ADGRL2: variants seen among roughly 807,000 people sequenced by gnomAD.
ADGRL2 encodes the protein calcium-independent alpha-latrotoxin receptor 2.
A neutral mutation model predicts 157.4 loss-of-function variants in ADGRL2; 44 were observed. The observed-to-expected ratio is 0.28, with a 90% CI of 0.22 to 0.36. The LOEUF (loss-of-function observed/expected upper bound fraction) is 0.36, where lower values mean the gene tolerates loss of function less well. Ranked by LOEUF, ADGRL2 falls within the 10% of genes least tolerant of loss-of-function variation. ADGRL2 has a pLI of 1.00. For missense variants in ADGRL2, 1,510 were observed against 1,768.9 expected, an observed-to-expected ratio of 0.85 and a Z score of 2.63; for synonymous variants, 585 against 624.7, an observed-to-expected ratio of 0.94 and a Z score of 0.95.
intron 2 of ADGRL2, among the ~76,000 whole-genome samples, chr1:81,446,432 A>G (rs982134909): frequency 1.3e-5 from 2 of 152,202 alleles, no homozygotes; most frequent in African/African-American, 4.8e-5. Flanking sequence ...ATGAGCCTAT[A>G]TAGGGCCAAT....
At chr1:81,364,992 A>T (rs1418274994) in intron 1 of ADGRL2, among the ~76,000 whole-genome samples, 1 of 152,090 alleles carries the variant, frequency 6.6e-6, no homozygotes, top group Admixed American at 6.6e-5. Context: ...TCTGTCACTT[A>T]TTTGAGTCTT....
intron 1 of ADGRL2, among the ~76,000 whole-genome samples, chr1:81,376,920 T>C (rs995801142): frequency 6.6e-6 from 1 of 152,200 alleles, no homozygotes; most frequent in Non-Finnish European, 1.5e-5. Context: ...GATGCAGTTG[T>C]TCACACCTAT....
At chr1:81,491,128 A>C (rs542846602) in intron 2 of ADGRL2, among the ~76,000 whole-genome samples, 2 of 152,224 alleles carry the variant, frequency 1.3e-5, no homozygotes, top group East Asian at 3.9e-4. Context: ...TCTCTAAAAC[A>C]ATAAAAATAA....
chr1:81,490,068 A>G (rs1237074965), intron 2 of ADGRL2, among the ~76,000 whole-genome samples: 1 of 152,108 alleles, frequency 6.6e-6, no homozygotes, highest in Non-Finnish European at 1.5e-5. Flanking sequence ...CTAATATTAT[A>G]GTAACAACCA....
At chr1:81,382,947 T>C (rs1298602194) in intron 1 of ADGRL2, among the ~76,000 whole-genome samples, 1 of 152,200 alleles carries the variant, frequency 6.6e-6, no homozygotes, top group Non-Finnish European at 1.5e-5. Context: ...TCTCCCTAAT[T>C]GTTTTACTTG....
intron 2 of ADGRL2, among the ~76,000 whole-genome samples, chr1:81,484,143 T>TGGTC (rs1477637819): frequency 6.6e-6 from 1 of 152,176 alleles, no homozygotes; most frequent in Non-Finnish European, 1.5e-5. Flanking sequence ...GTCTTGCTTT[T>TGGTC]ATAAATCAAA....
At chr1:81,858,021 T>A (rs1275192361) in intron 2 of ADGRL2, among the ~76,000 whole-genome samples, 1 of 152,074 alleles carries the variant, frequency 6.6e-6, no homozygotes, top group Non-Finnish European at 1.5e-5. Context: ...AGATTTATGG[T>A]TAGTTGCGAT....
Position 81,598,332 on chromosome 1 carries a change from C to T in ADGRL2, c.-143+17352C>T, listed in dbSNP as rs901275253. 2.0e-5 allele frequency among the ~76,000 whole-genome samples: 3 copies of T among 152,062 alleles called. No homozygotes were observed. In the South Asian group the frequency reaches 6.2e-4, roughly 31 times the overall value. On this transcript the variant is annotated intron_variant, in intron 3 of 24. Transcript: ENST00000370721. ...TTCCTGGATAGAGTAAAATAGATGT[C>T]ATTTCTTGTTCTCAAAGTGTAGGTT...
intron 1 of ADGRL2, among the ~76,000 whole-genome samples, chr1:81,326,489 C>G (rs1660910391): frequency 6.6e-6 from 1 of 152,212 alleles, no homozygotes; most frequent in Non-Finnish European, 1.5e-5. Context: ...CATATACTAA[C>G]TGTTTTAATG....
intron 1 of ADGRL2, among the ~76,000 whole-genome samples, chr1:81,373,595 C>T (rs2076197018): frequency 6.6e-6 from 1 of 152,024 alleles, no homozygotes; most frequent in Non-Finnish European, 1.5e-5. Context: ...GTATCTAGGA[C>T]CACAAAACAG....
chr1:81,973,899 A>C (rs1191567160), intron 17 of ADGRL2, among the ~76,000 whole-genome samples: 2 of 151,946 alleles, frequency 1.3e-5, no homozygotes, highest in Non-Finnish European at 2.9e-5. Context: ...ATCTAACTTA[A>C]ATTGAGATAT....
intron 2 of ADGRL2, among the ~76,000 whole-genome samples, chr1:81,775,612 A>T (rs1231383233): frequency 1.3e-5 from 2 of 151,842 alleles, no homozygotes; most frequent in African/African-American, 2.4e-5. Flanking sequence ...TGTGATGTTT[A>T]CAGGAGCCTA....
At chr1:81,617,926 T>C (rs1430729714) in intron 3 of ADGRL2, among the ~76,000 whole-genome samples, 1 of 152,188 alleles carries the variant, frequency 6.6e-6, no homozygotes, top group Non-Finnish European at 1.5e-5. Context: ...AACCTTGAAA[T>C]GTGGAAGGAG....
intron 1 of ADGRL2, among the ~76,000 whole-genome samples, chr1:81,813,239 A>C (rs1474710303): frequency 6.6e-6 from 1 of 151,722 alleles, no homozygotes; most frequent in Non-Finnish European, 1.5e-5. Flanking sequence ...AAAAATAGAA[A>C]GGTTATTATC....
chr1:81,596,558 G>T, intron 3 of ADGRL2: 1 of 304,992 alleles, frequency 3.3e-6, no homozygotes, highest in Non-Finnish European at 6.5e-6. Flanking sequence ...AGCGAACAGC[G>T]GTGAGTCAGG....
chr1:81,635,190 T>C (rs998976144), intron 3 of ADGRL2, among the ~76,000 whole-genome samples: 1 of 152,182 alleles, frequency 6.6e-6, no homozygotes, highest in Non-Finnish European at 1.5e-5. Context: ...AACTTACTTA[T>C]AACATACCCT....
intron 1 of ADGRL2, among the ~76,000 whole-genome samples, chr1:81,350,143 G>A (rs1327604): frequency 0.16 from 24,160 of 152,002 alleles, 2,019 homozygotes; most frequent in Middle Eastern, 0.19. Context: ...TGATTTTAGG[G>A]ATGAATTTTT....
At chr1:81,684,964 C>G (rs2083198962) in intron 3 of ADGRL2, among the ~76,000 whole-genome samples, 2 of 152,066 alleles carry the variant, frequency 1.3e-5, no homozygotes, top group African/African-American at 4.8e-5. Flanking sequence ...GGGTTTATTT[C>G]TGAGTTTCTA....
chr1:81,604,369 G>GT (rs1420565701), intron 3 of ADGRL2, among the ~76,000 whole-genome samples: 15 of 152,180 alleles, frequency 9.9e-5, no homozygotes, highest in African/African-American at 3.6e-4. Context: ...GCGGGGCATT[G>GT]TGTGGACTCC....
Sources: allele counts gnomAD v4.1 joint callset (sites outside exome capture counted in the v4.1 genomes callset), GRCh38; gene constraint gnomAD v4.1.1; transcripts MANE v1.5; gene names NCBI Gene and HGNC (gene_info 2026-07-23, HGNC 2026-07-21).